Variants in LRRC45 observed in about 807,000 individuals in gnomAD.
LRRC45 encodes leucine rich repeat containing 45.
A neutral mutation model predicts 85.4 loss-of-function variants in LRRC45; 73 were observed. The ratio of observed to expected loss-of-function variants is 0.85; its 90% CI spans 0.71 to 1.04. The LOEUF (loss-of-function observed/expected upper bound fraction) is 1.04, where lower values mean the gene tolerates loss of function less well. Among genes scored for constraint, LRRC45 ranks in the 50% least tolerant of loss-of-function variants. LRRC45 has a pLI of 0.00. For synonymous variants in LRRC45, 429 were observed against 386.0 expected, an observed-to-expected ratio of 1.11 and a Z score of -1.31; for missense variants, 937 against 883.3, an observed-to-expected ratio of 1.06 and a Z score of -0.77.
chr17:82,027,962 G>A (rs1470334312), intron 8 of LRRC45, 49 bp from the exon 9 acceptor site: 7 of 1,559,372 alleles, frequency 4.5e-6, no homozygotes, highest in Non-Finnish European at 5.2e-6. Context: ...CCTTTATAAG[G>A]CAAGTGAAAC....
In LRRC45 at chr17:82,029,247, C is replaced by T. The variant is rs901325213; in HGVS notation, c.1401+62C>T. 4 of 1,499,974 alleles carry T rather than the reference C, an allele frequency of 2.7e-6. No individual in the cohort carries two copies. The African/African-American group carries it at 4.1e-5, about 16-fold the overall frequency. 92.9% of individuals were successfully genotyped at this position (1,499,974 alleles called of 1,614,324 possible). ...GTCCTGGGCTGAACAAGGCAGGGGCCCCTGGTGTTCGCCGCCTCAGGACCA... is the reference window on the plus strand; with the variant it reads ...GTCCTGGGCTGAACAAGGCAGGGGCTCCTGGTGTTCGCCGCCTCAGGACCA... On this transcript the variant is annotated intron_variant, in intron 13 of 16. Coordinates refer to ENST00000306688, the MANE Select transcript of LRRC45 (RefSeq NM_144999.4).
rs767792367 is a variant in LRRC45 at position 82,027,707 on chromosome 17, A to G, written c.867A>G (p.Glu289=). ...ASAARVGQLQ[E]ALNERHSIIN... The stretch of plus-strand genomic sequence containing the variant: ...CAGCCCGTGTAGGGCAGCTTCAGGA[A>G]GCCCTGAATGAGAGGCACTCCATCA... Residue 289 remains glutamate, a synonymous_variant, in exon 8 of 17, where the codon GAA becomes GAG. Transcript: ENST00000306688. 4.3e-6 allele frequency: 7 copies of G among 1,611,092 alleles called. No homozygotes were observed. In the South Asian group the frequency reaches 4.4e-5, roughly 10 times the overall value.
At chr17:82,026,789 A>C in intron 5 of LRRC45, 110 bp from the exon 6 acceptor site, 1 of 748,684 alleles carries the variant, frequency 1.3e-6, no homozygotes, top group South Asian at 1.5e-5. Context: ...CATGTTGGCC[A>C]GGCTGGTCTC....
intron 16 of LRRC45, 65 bp from the exon 17 acceptor site, chr17:82,030,544 C>T: frequency 2.0e-6 from 3 of 1,497,098 alleles, no homozygotes; most frequent in South Asian, 1.3e-5. Flanking sequence ...GCCAGGTCTC[C>T]CGTGCTGAGG....
At chr17:82,030,286 C>T (rs1809758001) in intron 15 of LRRC45, 33 bp from the exon 16 acceptor site, 3 of 1,542,876 alleles carry the variant, frequency 1.9e-6, no homozygotes, top group Admixed American at 2.0e-5. Context: ...GCCCCCAACC[C>T]TCGCCTCACT....
chr17:82,026,755 T>G, intron 5 of LRRC45, 144 bp from the exon 6 acceptor site: 1 of 577,112 alleles, frequency 1.7e-6, no homozygotes, highest in South Asian at 1.7e-5. Context: ...CTTTTTTGTA[T>G]TTTTAGTACA....
At chr17:82,025,537 G>C (rs775157579) in intron 5 of LRRC45, 30 bp downstream of exon 5, 412 of 1,514,650 alleles carry the variant, frequency 2.7e-4, no homozygotes, top group Non-Finnish European at 3.4e-4. Context: ...GGAGTGACGC[G>C]TGAGCCTTTG....
At position 82,030,871 on chromosome 17, in the gene LRRC45, T is replaced by C; in HGVS notation, c.*66T>C. 3.4e-6 allele frequency: 4 copies of C among 1,187,958 alleles called. No homozygotes were observed. 73.6% of individuals were successfully genotyped at this position (1,187,958 alleles called of 1,614,324 possible). ...GCGGCGCCCGAGATGGACCAGGGGC[T>C]GCGTCCCGCCCGCGCCGCCTCTTTG... On this transcript the variant is annotated 3_prime_UTR_variant, in exon 17 of 17. Transcript: ENST00000306688.
chr17:82,028,311 G>A lies in LRRC45; in HGVS notation c.1125G>A (p.Gln375=), dbSNP rs981472812. 1.3e-6 allele frequency: 2 copies of A among 1,596,664 alleles called. No individual in the cohort carries two copies. Among genetic ancestry groups the A allele is most frequent in the Admixed American group, 1.8e-5 (1 of 56,030 alleles). The change falls in exon 10 of 17, where the codon CAG becomes CAA. Residue 375 remains glutamine (Q), a splice_region_variant and synonymous_variant. Transcript: ENST00000306688. ...AAAAGAACCTGCTTCTGCAAAACCA[G>A]GTAGCTGTGGTGGATGGAGCCAGGG... ...ANEKNLLLQN[Q]VDELERKFRC... is the part of the protein sequence containing the mutation.
At chr17:82,028,853 G>A (rs554137743) in intron 12 of LRRC45, 170 bp downstream of exon 12, 14 of 832,516 alleles carry the variant, frequency 1.7e-5, no homozygotes, top group Middle Eastern at 6.8e-4. Flanking sequence ...TATTGGGGGC[G>A]GCGGGGGGAC....
Position 82,030,968 on chromosome 17 carries a change from G to A in LRRC45, c.*163G>A. ...GGTGTCGCGGCTGCGGGGGAACCCC[G>A]TGGGAGGCGCCTGGGAAGGGCTCCC... On this transcript the variant is annotated 3_prime_UTR_variant, in exon 17 of 17. Transcript: ENST00000306688. 2.1e-6 allele frequency: 1 copy of A among 485,276 alleles called. No homozygotes were observed. The highest frequency in any genetic ancestry group is 3.3e-6 in the Non-Finnish European group (1 of 304,808). 30.1% of individuals were successfully genotyped at this position (485,276 alleles called of 1,614,324 possible). A position where few individuals can be genotyped will look rare whatever the true frequency, so the allele number is the denominator to read the frequency against.
At chr17:82,028,820 C>T (rs963391784) in intron 12 of LRRC45, 137 bp downstream of exon 12, 8 of 1,019,980 alleles carry the variant, frequency 7.8e-6, no homozygotes, top group South Asian at 3.2e-5. Flanking sequence ...CCAGCCTGAG[C>T]GGATGTCAGA....
At chr17:82,025,625 G>A in intron 5 of LRRC45, 118 bp downstream of exon 5, 9 of 1,304,562 alleles carry the variant, frequency 6.9e-6, no homozygotes, top group Middle Eastern at 2.1e-4. Context: ...AGAGCCCAGG[G>A]GAAGCAGGAA....
At position 82,023,793 on chromosome 17, in the gene LRRC45, G is replaced by A. The variant is rs1443742029; in HGVS notation, c.150G>A (p.Leu50=). Residue 50 remains leucine (L), a synonymous_variant, in exon 1 of 17, where the codon CTG becomes CTA. Transcript: ENST00000306688. ...QSLTVETCRA[L]GKLLPRETLC... Reference sequence around the variant, plus strand: ...TGACGGTGGAGACCTGCAGGGCCCTGGGCAAGCTGCTGCCGAGGGAGACGC... The same window carrying A: ...TGACGGTGGAGACCTGCAGGGCCCTAGGCAAGCTGCTGCCGAGGGAGACGC... 3 of 1,568,378 alleles carry A rather than the reference G, an allele frequency of 1.9e-6. No homozygotes were observed. Among genetic ancestry groups the A allele is most frequent in the Non-Finnish European group, 8.6e-7 (1 of 1,159,282 alleles).
At chr17:82,030,019 C>G in intron 14 of LRRC45, 46 bp from the exon 15 acceptor site, 1 of 1,500,362 alleles carries the variant, frequency 6.7e-7, no homozygotes, top group Non-Finnish European at 8.9e-7. Flanking sequence ...CTCAGCTGAG[C>G]TCAGGCTGAG....
Position 82,030,253 on chromosome 17 carries a change from G to A in LRRC45, c.1668+15G>A, listed in dbSNP as rs2144150541. 1 of 1,533,978 alleles carries A rather than the reference G, an allele frequency of 6.5e-7. No homozygotes were observed. Among genetic ancestry groups the A allele is most frequent in the Non-Finnish European group, 8.8e-7 (1 of 1,136,026 alleles). The stretch of plus-strand genomic sequence containing the variant: ...AGCTGCAGCAGGTAGGCGGGGCTCC[G>A]GTGGGGGGCCCCGGGCGTGCTAGCC... On this transcript the variant is annotated intron_variant, in intron 15 of 16. Coordinates refer to ENST00000306688, the MANE Select transcript of LRRC45 (RefSeq NM_144999.4).
At position 82,024,774 on chromosome 17, in the gene LRRC45, G is replaced by T; in HGVS notation, c.353+11G>T. On this transcript the variant is annotated intron_variant, in intron 3 of 16. Transcript: ENST00000306688. ...CAAGTCCATTCAGAGGTGGGTGGTGGTCCCGACCCCAGGCCCTGTCTCTGT... is the reference window on the plus strand; with the variant it reads ...CAAGTCCATTCAGAGGTGGGTGGTGTTCCCGACCCCAGGCCCTGTCTCTGT... 5 of 1,572,386 alleles carry T rather than the reference G, an allele frequency of 3.2e-6. No individual in the cohort carries two copies. The highest frequency in any genetic ancestry group is 4.3e-6 in the Non-Finnish European group (5 of 1,163,558).
In LRRC45 at chr17:82,029,118, AG is replaced by A. The variant is rs1440976325; in HGVS notation, c.1336del (p.Glu446ArgfsTer24). ...KEVEHMTRHLEESEKAMQERV... is the reference protein window; with the variant it reads ...KEVEHMTRHLXESEKAMQERV... ...GTGGAGCATATGACCCGTCACCTGGAGGAGAGTGAGAAGGCCATGCAGGAGC... is the reference window on the plus strand; with the variant it reads ...GTGGAGCATATGACCCGTCACCTGGAGAGAGTGAGAAGGCCATGCAGGAGC... On this transcript the variant is annotated frameshift_variant, in exon 13 of 17. Transcript: ENST00000306688. LOFTEE classifies it high-confidence loss of function. The A allele has an allele frequency of 6.2e-7, 1 of 1,612,674 alleles. No individual in the cohort carries two copies. Among genetic ancestry groups the A allele is most frequent in the Non-Finnish European group, 8.5e-7 (1 of 1,179,922 alleles).
At chr17:82,028,797 T>A (rs1384977112) in intron 12 of LRRC45, 114 bp downstream of exon 12, 1 of 1,231,308 alleles carries the variant, frequency 8.1e-7, no homozygotes, top group East Asian at 2.5e-5. Context: ...GGTCACTGGG[T>A]GGCCGTATTT....
Sources: gnomAD v4.1 joint callset for allele counts on GRCh38, gnomAD v4.1.1 for gene constraint, MANE v1.5 for transcripts, NCBI Gene and HGNC (gene_info 2026-07-23, HGNC 2026-07-21) for gene names.